The following ZNF503 variants were observed in gnomAD, a reference collection of about 807,000 sequenced individuals.
ZNF503 encodes zinc finger protein 503.
In ZNF503, 15 loss-of-function variants were observed where a neutral mutation model predicts 34.4. The observed-to-expected ratio is 0.44, with a 90% CI of 0.29 to 0.67. ZNF503 has a LOEUF of 0.67. ZNF503 is among the 30% of genes least tolerant of loss of function. ZNF503 has a pLI of 0.13. For synonymous variants in ZNF503, 580 were observed against 456.8 expected, an observed-to-expected ratio of 1.27 and a Z score of -3.44; for missense variants, 1,007 against 926.8, an observed-to-expected ratio of 1.09 and a Z score of -1.12.
the ZNF503 span, among the ~76,000 whole-genome samples, chr10:75,336,986 ATC>A: frequency 6.6e-6 from 1 of 152,164 alleles, no homozygotes; most frequent in African/African-American, 2.4e-5. Flanking sequence ...CACCCAGCTA[ATC>A]TCTCTATCTT....
At position 75,400,050 on chromosome 10, in the gene ZNF503, C is replaced by G; in HGVS notation, c.640G>C (p.Val214Leu). ...GVSSEKSGFR[V>L]PSATCQPFTP... ...AATGGCTGGCAGGTGGCGCTCGGTA[C>G]CCGGAATCCCGACTTCTCCGACGAA... is the stretch of plus-strand genomic sequence containing the variant. The change falls in exon 2 of 2, where the codon GTA becomes CTA. Residue 214 changes from valine to leucine, a missense_variant. Transcript: ENST00000372524. 3 of 1,589,314 alleles carry G rather than the reference C, an allele frequency of 1.9e-6. No individual in the cohort carries two copies. The highest frequency in any genetic ancestry group is 2.6e-6 in the Non-Finnish European group (3 of 1,171,166).
At chr10:75,332,468 C>CT in the ZNF503 span, among the ~76,000 whole-genome samples, 49,339 of 140,414 alleles carry the variant, frequency 0.35, 8,492 homozygotes, top group South Asian at 0.4. Flanking sequence ...TTAAATTTTT[C>CT]TTTTTTTTTT....
chr10:75,401,053 G>A, intron 1 of ZNF503, 52 bp downstream of exon 1: 2 of 1,611,410 alleles, frequency 1.2e-6, no homozygotes, highest in Non-Finnish European at 1.7e-6. Context: ...GAAAGCCCTA[G>A]GGTGGCAGCC....
the ZNF503 span, among the ~76,000 whole-genome samples, chr10:75,336,738 C>T: frequency 6.6e-6 from 1 of 152,156 alleles, no homozygotes; most frequent in Non-Finnish European, 1.5e-5. Flanking sequence ...CCATTTCCAA[C>T]CTCATTCAGG....
the ZNF503 span, among the ~76,000 whole-genome samples, chr10:75,370,547 G>A: frequency 6.6e-6 from 1 of 151,968 alleles, no homozygotes; most frequent in Non-Finnish European, 1.5e-5. Flanking sequence ...TTGGAAGGTC[G>A]AGGCAGACGG....
the ZNF503 span, among the ~76,000 whole-genome samples, chr10:75,316,964 C>T: frequency 6.6e-6 from 1 of 151,988 alleles, no homozygotes; most frequent in Non-Finnish European, 1.5e-5. Flanking sequence ...TTTTTTGAGA[C>T]AGGGTCTTGC....
At chr10:75,295,782 CCTT>C in the ZNF503 span, 1 of 152,254 alleles carries the variant, frequency 6.6e-6, no homozygotes, top group South Asian at 2.1e-4. The surrounding 1 kb of genome is among the most constrained non-coding windows in gnomAD (Gnocchi z 4.0). Context: ...CGCTAAGGGT[CCTT>C]CTGCATTTTT....
chr10:75,337,826 C>A, the ZNF503 span, among the ~76,000 whole-genome samples: 1 of 152,198 alleles, frequency 6.6e-6, no homozygotes, highest in African/African-American at 2.4e-5. Flanking sequence ...ATCACCTAAT[C>A]TAGCCCTTTT....
At chr10:75,318,919 C>CTTCCTTCT in the ZNF503 span, among the ~76,000 whole-genome samples, 2 of 150,262 alleles carry the variant, frequency 1.3e-5, no homozygotes, top group Non-Finnish European at 3.0e-5. Context: ...CCCTTTCTTC[C>CTTCCTTCT]TTCCTTCTTT....
rs778012016 is a variant in ZNF503, at chr10:75,399,382, G to A, written c.1308C>T (p.His436=). The A allele has an allele frequency of 3.4e-5, 55 of 1,606,488 alleles. No homozygotes were observed. In the East Asian group the frequency reaches 1.2e-3, roughly 36 times the overall value. The change falls in exon 2 of 2, where the codon CAC becomes CAT. Residue 436 remains histidine (H), a synonymous_variant. Coordinates refer to ENST00000372524, the MANE Select transcript of ZNF503 (RefSeq NM_032772.6). ...CCGCCCCTGCCAGGTGGCTAGCGCAGTGGTAGCTGAGGCAGTAAGGGTCCC... is the reference window on the plus strand; with the variant it reads ...CCGCCCCTGCCAGGTGGCTAGCGCAATGGTAGCTGAGGCAGTAAGGGTCCC... ...LCRDPYCLSY[H]CASHLAGAAA...
the ZNF503 span, among the ~76,000 whole-genome samples, chr10:75,302,207 C>T: frequency 5.3e-5 from 8 of 152,168 alleles, no homozygotes; most frequent in Non-Finnish European, 8.8e-5. Context: ...CTCTGGCCTC[C>T]GTTGTTTCTG....
downstream of ZNF503, among the ~76,000 whole-genome samples, chr10:75,395,922 G>GAAT (rs1843691294): frequency 1.3e-5 from 2 of 152,252 alleles, no homozygotes; most frequent in Non-Finnish European, 1.5e-5. The surrounding 1 kb of genome is among the most constrained non-coding windows in gnomAD (Gnocchi z 4.4). Context: ...CAGGGCGGGG[G>GAAT]AATGTCTAGG....
Position 75,399,427 on chromosome 10 carries a change from C to T in ZNF503, c.1263G>A (p.Val421=), listed in dbSNP as rs1428863715. Residue 421 remains valine (V), a synonymous_variant, in exon 2 of 2, where the codon GTG becomes GTA. Coordinates refer to ENST00000372524, the MANE Select transcript of ZNF503 (RefSeq NM_032772.6). ...SPLAGASPPS[V]MTASLCRDPY... ...GGTCCCGGCACAAACTGGCTGTCAT[C>T]ACGGACGGCGGAGACGCTCCGGCCA... 6.2e-7 allele frequency: 1 copy of T among 1,600,210 alleles called. No individual in the cohort carries two copies. Among genetic ancestry groups the T allele is most frequent in the Non-Finnish European group, 8.5e-7 (1 of 1,177,376 alleles).
At position 75,399,461 on chromosome 10, in the gene ZNF503, G is replaced by A; in HGVS notation, c.1229C>T (p.Ser410Phe). ...GSLGCSKPAG[S>F]SPLAGASPPS... ...CGGAGACGCTCCGGCCAAAGGGCTG[G>A]AGCCGGCCGGCTTACTGCAGCCCAG... The change falls in exon 2 of 2, where the codon TCC becomes TTC. Residue 410 changes from serine (S) to phenylalanine (F), a missense_variant. Physicochemically the swap from Ser to Phe is radical, Grantham distance 155 (BLOSUM62 -2). Coordinates refer to ENST00000372524, the MANE Select transcript of ZNF503 (RefSeq NM_032772.6). The A allele has an allele frequency of 6.3e-7, 1 of 1,584,744 alleles. No individual in the cohort carries two copies. The highest frequency in any genetic ancestry group is 8.5e-7 in the Non-Finnish European group (1 of 1,171,662).
the ZNF503 span, among the ~76,000 whole-genome samples, chr10:75,299,727 C>T: frequency 2.0e-5 from 3 of 152,086 alleles, no homozygotes; most frequent in African/African-American, 4.8e-5. Context: ...CTGGGGGAGA[C>T]ATCACATGTC....
the ZNF503 span, among the ~76,000 whole-genome samples, chr10:75,284,751 A>G: frequency 1.3e-5 from 2 of 152,216 alleles, no homozygotes; most frequent in Non-Finnish European, 2.9e-5. Context: ...GGTGTGGTTA[A>G]CTAAGGGGAG....
At chr10:75,375,541 G>C in the ZNF503 span, among the ~76,000 whole-genome samples, 1 of 152,040 alleles carries the variant, frequency 6.6e-6, no homozygotes, top group African/African-American at 2.4e-5. Context: ...TTTTGAGACA[G>C]AGTCTTGCTC....
intron 1 of ZNF503, 116 bp from the exon 2 acceptor site, chr10:75,400,490 C>T: frequency 6.9e-7 from 1 of 1,439,986 alleles, no homozygotes. Flanking sequence ...AAGATCCTCC[C>T]AGCCCCAAGG....
At chr10:75,368,602 G>A in the ZNF503 span, among the ~76,000 whole-genome samples, 2 of 152,192 alleles carry the variant, frequency 1.3e-5, no homozygotes, top group Admixed American at 1.3e-4. Flanking sequence ...CTTCTTAGCA[G>A]AAACAAGGTT....
Sources: gnomAD v4.1 joint callset for allele counts (sites outside exome capture counted in the v4.1 genomes callset) on GRCh38, gnomAD v4.1.1 for gene constraint, Gnocchi (gnomAD v3.1) non-coding constraint, MANE v1.5 for transcripts, NCBI Gene and HGNC (gene_info 2026-07-23, HGNC 2026-07-21) for gene names.